Variants in RBFOX1 observed in about 807,000 individuals in gnomAD.
RBFOX1 encodes RNA binding protein fox-1 homolog 1.
A neutral mutation model predicts 57.7 loss-of-function variants in RBFOX1; 8 were observed. The observed-to-expected ratio is 0.14, with a 90% CI of 0.08 to 0.25. The LOEUF (loss-of-function observed/expected upper bound fraction) is 0.25, where lower values mean the gene tolerates loss of function less well. Among genes scored for constraint, RBFOX1 ranks in the 10% least tolerant of loss-of-function variants. RBFOX1 has a pLI of 1.00. For missense variants in RBFOX1, 611 were observed against 548.5 expected (o/e 1.11, Z -1.14); for synonymous variants, 326 against 222.4 (o/e 1.47, Z -4.15).
chr16:7,126,033 A>G (rs2151894277), intron 4 of RBFOX1, among the ~76,000 whole-genome samples: 1 of 152,296 alleles, frequency 6.6e-6, no homozygotes, highest in East Asian at 1.9e-4. Context: ...CAGTGAGCTG[A>G]GATCGCACCA....
intron 3 of RBFOX1, among the ~76,000 whole-genome samples, chr16:7,047,404 A>T (rs111236691): frequency 0.022 from 3,371 of 151,682 alleles, 127 homozygotes; most frequent in African/African-American, 0.077. Context: ...TTTAGTTTGG[A>T]TTTTGTTTTA....
chr16:7,454,970 A>G (rs544907942), intron 4 of RBFOX1, among the ~76,000 whole-genome samples: 36 of 152,208 alleles, frequency 2.4e-4, no homozygotes, highest in Non-Finnish European at 4.7e-4. Flanking sequence ...CCCTTTTCCA[A>G]TAATAAAGCC....
chr16:7,529,842 C>G (rs755006317), intron 5 of RBFOX1, among the ~76,000 whole-genome samples: 12 of 151,802 alleles, frequency 7.9e-5, no homozygotes, highest in Non-Finnish European at 1.6e-4. Context: ...AACCCCGTCT[C>G]TCCTAAAAAT....
chr16:6,982,814 G>A (rs945374301), intron 3 of RBFOX1, among the ~76,000 whole-genome samples: 12 of 152,072 alleles, frequency 7.9e-5, no homozygotes, highest in East Asian at 3.9e-4. Context: ...CCAACATGGC[G>A]GAGCCCTGTC....
At chr16:6,459,296 AC>A (rs1334650580) in intron 2 of RBFOX1, among the ~76,000 whole-genome samples, 1 of 152,182 alleles carries the variant, frequency 6.6e-6, no homozygotes, top group Non-Finnish European at 1.5e-5. Context: ...AGATGGCGCC[AC>A]TGCACTCCAG....
At chr16:5,725,039 C>G (rs2052088577) in intron 3 of RBFOX1, among the ~76,000 whole-genome samples, 1 of 152,132 alleles carries the variant, frequency 6.6e-6, no homozygotes, top group Non-Finnish European at 1.5e-5. Context: ...CCGATCAACC[C>G]TTTCCCTTGG....
intron 2 of RBFOX1, among the ~76,000 whole-genome samples, chr16:6,490,467 T>A (rs573750466): frequency 6.6e-6 from 1 of 152,346 alleles, no homozygotes; most frequent in African/African-American, 2.4e-5. Flanking sequence ...AATACAGGTC[T>A]GACAGGCGTC....
At chr16:5,691,057 A>G (rs1173705046) in intron 3 of RBFOX1, among the ~76,000 whole-genome samples, 2 of 152,210 alleles carry the variant, frequency 1.3e-5, no homozygotes, top group East Asian at 1.9e-4. Flanking sequence ...TGGAAATAAT[A>G]TGAGCTTATT....
intron 3 of RBFOX1, among the ~76,000 whole-genome samples, chr16:6,658,990 G>T (rs1383551154): frequency 6.7e-6 from 1 of 149,896 alleles, no homozygotes; most frequent in Non-Finnish European, 1.5e-5. Flanking sequence ...AGCTAATGCA[G>T]ATTTAGCAAA....
chr16:5,303,420 C>G lies in RBFOX1; in HGVS notation c.219+63315C>G, dbSNP rs74003862. 1.8e-3 allele frequency among the ~76,000 whole-genome samples: 268 copies of G among 152,260 alleles called. 1 individual carries two copies. Among genetic ancestry groups the G allele is most frequent in the African/African-American group, 6.1e-3 (254 of 41,558 alleles). Reference sequence around the variant, plus strand: ...TTTCAGTTCCACGGTCAAGCTGTGTCTCTCTCTAGGGGCTACCAGACTTCT... The same window carrying G: ...TTTCAGTTCCACGGTCAAGCTGTGTGTCTCTCTAGGGGCTACCAGACTTCT... On this transcript the variant is annotated intron_variant, in intron 1 of 2. Coordinates refer to the RBFOX1 transcript ENST00000585867.
At chr16:5,722,777 C>T (rs768399863) in intron 3 of RBFOX1, among the ~76,000 whole-genome samples, 2 of 152,156 alleles carry the variant, frequency 1.3e-5, no homozygotes, top group African/African-American at 2.4e-5. Context: ...TCTAGTTATC[C>T]ATCAGTCTCG....
chr16:6,877,392 C>G (rs908518521), intron 3 of RBFOX1, among the ~76,000 whole-genome samples: 2 of 152,134 alleles, frequency 1.3e-5, no homozygotes, highest in Non-Finnish European at 2.9e-5. Flanking sequence ...ATAACTGCAT[C>G]ATTTTCCAAT....
At chr16:7,057,112 C>A (rs566513437) in intron 4 of RBFOX1, among the ~76,000 whole-genome samples, 1 of 151,926 alleles carries the variant, frequency 6.6e-6, no homozygotes, top group Non-Finnish European at 1.5e-5. Flanking sequence ...TATTTCACTT[C>A]TCTTCCTCCT....
At chr16:6,044,348 C>G (rs1262934832) in intron 1 of RBFOX1, among the ~76,000 whole-genome samples, 1 of 152,102 alleles carries the variant, frequency 6.6e-6, no homozygotes, top group Non-Finnish European at 1.5e-5. Flanking sequence ...CAAGAAGGTC[C>G]TTAGGATGTA....
At chr16:5,936,712 T>C (rs1226732366) in intron 4 of RBFOX1, among the ~76,000 whole-genome samples, 1 of 152,186 alleles carries the variant, frequency 6.6e-6, no homozygotes, top group Non-Finnish European at 1.5e-5. Context: ...ACCTAAATCA[T>C]TGTACTGTGT....
At position 6,585,231 on chromosome 16, in the gene RBFOX1, C is replaced by G. The variant is rs193056207; in HGVS notation, c.-63-69372C>G. Reference sequence around the variant, plus strand: ...CAATTCCTTAATAGATAACTATCATCTTTCCTATCTTACAGAAGAGGAAAC... The same window carrying G: ...CAATTCCTTAATAGATAACTATCATGTTTCCTATCTTACAGAAGAGGAAAC... On this transcript the variant is annotated intron_variant, in intron 2 of 15. Coordinates refer to ENST00000550418, the MANE Select transcript of RBFOX1 (RefSeq NM_018723.4). Among the ~76,000 whole-genome samples, 68 of 152,306 alleles carry G rather than the reference C, an allele frequency of 4.5e-4. No homozygotes were observed. The East Asian group carries it at 0.01, about 23-fold the overall frequency.
At chr16:5,671,063 GTGCTCTCAGCCTCA>G (rs1182216608) in intron 3 of RBFOX1, among the ~76,000 whole-genome samples, 1 of 152,228 alleles carries the variant, frequency 6.6e-6, no homozygotes, top group Non-Finnish European at 1.5e-5. Flanking sequence ...CAAATGCTGG[GTGCTCTCAGCCTCA>G]CACAAACCAG....
At chr16:6,187,576 C>T (rs2097113147) in intron 1 of RBFOX1, among the ~76,000 whole-genome samples, 1 of 152,110 alleles carries the variant, frequency 6.6e-6, no homozygotes, top group Non-Finnish European at 1.5e-5. Flanking sequence ...TTGGAGAAGA[C>T]CCAGCTGGAA....
intron 3 of RBFOX1, among the ~76,000 whole-genome samples, chr16:6,925,424 C>T (rs908817308): frequency 1.3e-5 from 2 of 151,346 alleles, no homozygotes; most frequent in African/African-American, 4.9e-5. Flanking sequence ...TGCACCCAGC[C>T]TATCCTTTTT....
Sources: allele counts gnomAD v4.1 joint callset (sites outside exome capture counted in the v4.1 genomes callset), GRCh38; gene constraint gnomAD v4.1.1; transcripts MANE v1.5; gene names NCBI Gene and HGNC (gene_info 2026-07-23, HGNC 2026-07-21).